EEPD1: variants seen among roughly 807,000 people sequenced by gnomAD.
EEPD1 encodes endonuclease/exonuclease/phosphatase family domain-containing protein 1.
In EEPD1, 17 loss-of-function variants were observed where a neutral mutation model predicts 46.3. The ratio of observed to expected loss-of-function variants is 0.37; its 90% CI spans 0.25 to 0.55. EEPD1 has a LOEUF of 0.55. Ranked by LOEUF, EEPD1 falls within the 20% of genes least tolerant of loss-of-function variation. The pLI is 0.83. For missense variants in EEPD1, 673 were observed against 745.6 expected (o/e 0.90, Z 1.13); for synonymous variants, 313 against 315.6 (o/e 0.99, Z 0.09).
chr7:36,199,089 T>G (rs1267393856), intron 2 of EEPD1, among the ~76,000 whole-genome samples: 1 of 152,064 alleles, frequency 6.6e-6, no homozygotes, highest in Admixed American at 6.5e-5. Flanking sequence ...ACATTTTGCA[T>G]GCACACATTC....
At chr7:36,228,984 G>A (rs1206592442) in intron 2 of EEPD1, 2 of 152,130 alleles carry the variant, frequency 1.3e-5, no homozygotes, top group African/African-American at 4.8e-5. Flanking sequence ...TCTCCTCTTG[G>A]GCCTCCTCTC....
intron 3 of EEPD1, among the ~76,000 whole-genome samples, chr7:36,273,441 T>C (rs1324020565): frequency 2.0e-5 from 3 of 152,146 alleles, no homozygotes; most frequent in African/African-American, 7.2e-5. Flanking sequence ...CTGTGTCTTC[T>C]TACCATTGTT....
At position 36,225,963 on chromosome 7, in the gene EEPD1, T is replaced by G. The variant is rs1229807160; in HGVS notation, c.879-13022T>G. On this transcript the variant is annotated intron_variant, in intron 2 of 7. Coordinates refer to ENST00000242108, the MANE Select transcript of EEPD1 (RefSeq NM_030636.3). The surrounding 1 kb of genome is among the most constrained non-coding windows in gnomAD (Gnocchi z 4.2). ...AAGACATGTCTTAGATGCTCAAGAG[T>G]TAAAACAGAGCTCAAGAGTAGCTAA... 6.6e-6 allele frequency among the ~76,000 whole-genome samples: 1 copy of G among 152,130 alleles called. No individual in the cohort carries two copies.
At chr7:36,289,587 C>T (rs1205029210) in intron 6 of EEPD1, among the ~76,000 whole-genome samples, 1 of 152,292 alleles carries the variant, frequency 6.6e-6, no homozygotes, top group African/African-American at 2.4e-5. Flanking sequence ...CTCCGCCTCC[C>T]GGGTTCACGC....
intron 2 of EEPD1, among the ~76,000 whole-genome samples, chr7:36,219,794 A>AGT (rs1420126577): frequency 4.0e-4 from 35 of 88,164 alleles, no homozygotes; most frequent in African/African-American, 1.1e-3. Flanking sequence ...AGAGAGAGAG[A>AGT]GAGAGAGAGA....
chr7:36,161,597 T>TTG (rs1023986995), intron 2 of EEPD1, among the ~76,000 whole-genome samples: 1 of 151,966 alleles, frequency 6.6e-6, no homozygotes, highest in African/African-American at 2.4e-5. Flanking sequence ...TGATCCAAAA[T>TTG]ACTCAGACAG....
chr7:36,181,264 C>T (rs181106239), intron 2 of EEPD1, among the ~76,000 whole-genome samples: 106 of 152,160 alleles, frequency 7.0e-4, no homozygotes, highest in South Asian at 2.3e-3. Context: ...TTTCCCCTCA[C>T]GTGCCTCTGT....
chr7:36,246,689 G>A (rs1441016929), intron 3 of EEPD1, among the ~76,000 whole-genome samples: 6 of 152,032 alleles, frequency 3.9e-5, no homozygotes, highest in Admixed American at 3.9e-4. Context: ...CTGCTGATAG[G>A]TGTTTTTTTT....
At chr7:36,163,744 G>T (rs1408363860) in intron 2 of EEPD1, among the ~76,000 whole-genome samples, 1 of 152,126 alleles carries the variant, frequency 6.6e-6, no homozygotes, top group African/African-American at 2.4e-5. Flanking sequence ...CAGGCGTGGT[G>T]GCGGGCACCT....
chr7:36,171,639 T>C (rs1785084593), intron 2 of EEPD1, among the ~76,000 whole-genome samples: 1 of 152,252 alleles, frequency 6.6e-6, no homozygotes, highest in Non-Finnish European at 1.5e-5. Context: ...ATTATAAATA[T>C]ACCCATCTTT....
chr7:36,249,863 G>A (rs1786706190), intron 3 of EEPD1, among the ~76,000 whole-genome samples: 1 of 152,024 alleles, frequency 6.6e-6, no homozygotes, highest in African/African-American at 2.4e-5. Context: ...GTAGCAATAA[G>A]TGCTTTAAAA....
intron 3 of EEPD1, among the ~76,000 whole-genome samples, chr7:36,252,176 C>A (rs563877191): frequency 6.6e-6 from 1 of 152,280 alleles, no homozygotes; most frequent in African/African-American, 2.4e-5. Flanking sequence ...AATATCCATG[C>A]GGATTACAGA....
At chr7:36,163,884 A>AG (rs1784941613) in intron 2 of EEPD1, among the ~76,000 whole-genome samples, 1 of 36,186 alleles carries the variant, frequency 2.8e-5, no homozygotes, top group Admixed American at 2.2e-4. Flanking sequence ...TCTCAGGAAG[A>AG]AAAAAAAAAA....
At chr7:36,224,094 A>G (rs1786191387) in intron 2 of EEPD1, among the ~76,000 whole-genome samples, 1 of 152,192 alleles carries the variant, frequency 6.6e-6, no homozygotes, top group African/African-American at 2.4e-5. Flanking sequence ...TTTCCTGTGG[A>G]GCCTCAGATC....
intron 5 of EEPD1, among the ~76,000 whole-genome samples, chr7:36,287,235 TCAAAAAAAA>T (rs1787353590): frequency 2.8e-4 from 1 of 3,524 alleles, no homozygotes; most frequent in African/African-American, 1.2e-3. Flanking sequence ...AGACTCCTTC[TCAAAAAAAA>T]AAAAAAAAAA....
At chr7:36,247,668 T>G (rs1362461793) in intron 3 of EEPD1, among the ~76,000 whole-genome samples, 1 of 152,160 alleles carries the variant, frequency 6.6e-6, no homozygotes, top group Non-Finnish European at 1.5e-5. Context: ...AGCAGGTGTG[T>G]TGGTAATCCA....
intron 2 of EEPD1, among the ~76,000 whole-genome samples, chr7:36,207,578 A>G (rs1785844207): frequency 6.6e-6 from 1 of 152,184 alleles, no homozygotes; most frequent in Non-Finnish European, 1.5e-5. Context: ...GTGGTTCTTT[A>G]TGCAAGGTCT....
intron 2 of EEPD1, among the ~76,000 whole-genome samples, chr7:36,166,961 C>T (rs1019809640): frequency 6.6e-6 from 1 of 152,154 alleles, no homozygotes; most frequent in Non-Finnish European, 1.5e-5. Context: ...GATTGTCTCA[C>T]AGTTCTGGAG....
intron 2 of EEPD1, among the ~76,000 whole-genome samples, chr7:36,215,691 G>A (rs1471350390): frequency 1.3e-5 from 2 of 152,200 alleles, no homozygotes; most frequent in South Asian, 2.1e-4. Flanking sequence ...TGAGTGCAGC[G>A]TTGTGGTTAG....
Sources: gnomAD v4.1 joint callset for allele counts (sites outside exome capture counted in the v4.1 genomes callset) on GRCh38, gnomAD v4.1.1 for gene constraint, Gnocchi (gnomAD v3.1) non-coding constraint, MANE v1.5 for transcripts, NCBI Gene and HGNC (gene_info 2026-07-23, HGNC 2026-07-21) for gene names.